The following PI4KA variants were observed in gnomAD, a reference collection of about 807,000 sequenced individuals.
PI4KA encodes the protein phosphatidylinositol 4-kinase alpha.
Under a neutral mutation model 271.4 loss-of-function variants are expected in PI4KA, and 122 were observed. The observed-to-expected ratio is 0.45, with a 90% CI of 0.39 to 0.52. The LOEUF (loss-of-function observed/expected upper bound fraction) is 0.52. Among genes scored for constraint, PI4KA ranks in the 20% least tolerant of loss-of-function variants. The pLI is 0.00. For synonymous variants in PI4KA, 1,041 were observed against 1,078.8 expected (o/e 0.96, Z 0.69); for missense variants, 1,969 against 2,769.1 (o/e 0.71, Z 6.48).
intron 29 of PI4KA, among the ~76,000 whole-genome samples, chr22:20,747,107 A>C (rs1346793401): frequency 2.0e-5 from 3 of 152,216 alleles, no homozygotes; most frequent in African/African-American, 7.2e-5. Flanking sequence ...TAACTCAGAA[A>C]GTATTGCTGT....
chr22:20,843,101 A>AC (rs1925793856), intron 1 of PI4KA, among the ~76,000 whole-genome samples: 1 of 151,762 alleles, frequency 6.6e-6, no homozygotes, highest in South Asian at 2.1e-4. Flanking sequence ...CCGTCTCAAA[A>AC]AAAAAAAAAA....
chr22:20,843,621 T>C (rs1008110263), intron 1 of PI4KA, among the ~76,000 whole-genome samples: 2 of 152,070 alleles, frequency 1.3e-5, no homozygotes, highest in African/African-American at 2.4e-5. Flanking sequence ...TATGAAGAAG[T>C]GTAGGTCTAA....
chr22:20,714,870 C>T (rs1028336300), intron 45 of PI4KA, among the ~76,000 whole-genome samples, 170 bp from the exon 46 acceptor site: 33 of 152,178 alleles, frequency 2.2e-4, no homozygotes, highest in Non-Finnish European at 4.3e-4. Flanking sequence ...ATTCCATGGC[C>T]GCTAAGGGTC....
rs974167870 is a variant in PI4KA at position 20,844,712 on chromosome 22, T to C, written c.157-5981A>G. Among the ~76,000 whole-genome samples, 9 of 152,248 alleles carry C rather than the reference T, an allele frequency of 5.9e-5. 1 individual carries two copies. The South Asian group carries it at 6.2e-4, about 11-fold the overall frequency. On this transcript the variant is annotated intron_variant, in intron 1 of 54. Transcript: ENST00000255882. The stretch of plus-strand genomic sequence containing the variant: ...CTGGTGGGTGCCATTCTCCAAATAA[T>C]GACAGCTAACACATATTGAACATTT...
chr22:20,824,689 C>T lies in PI4KA; in HGVS notation c.368-275G>A, dbSNP rs565936107. Among the ~76,000 whole-genome samples the T allele has an allele frequency of 2.7e-5, 4 of 150,828 alleles. No homozygotes were observed. In the South Asian group the frequency reaches 8.4e-4, roughly 32 times the overall value. The stretch of plus-strand genomic sequence containing the variant: ...AGTGTGAGATAACAAAGCCTCTCAA[C>T]ATGACAGATTCAATTTTTTATTCCC... On this transcript the variant is annotated intron_variant, in intron 3 of 54. Coordinates refer to ENST00000255882, the MANE Select transcript of PI4KA (RefSeq NM_058004.4).
chr22:20,724,843 G>A (rs1231701550), intron 42 of PI4KA, among the ~76,000 whole-genome samples: 1 of 152,154 alleles, frequency 6.6e-6, no homozygotes, highest in Non-Finnish European at 1.5e-5. Flanking sequence ...GAGCCAAGCA[G>A]TCAAGGGAAA....
At chr22:20,773,032 A>G (rs1352110482) in intron 19 of PI4KA, among the ~76,000 whole-genome samples, 2 of 152,038 alleles carry the variant, frequency 1.3e-5, no homozygotes, top group Non-Finnish European at 2.9e-5. Context: ...TTGAGGCTGC[A>G]GTGAGCCAAG....
chr22:20,726,756 C>T (rs941871593), intron 41 of PI4KA, among the ~76,000 whole-genome samples: 1 of 152,214 alleles, frequency 6.6e-6, no homozygotes, highest in Non-Finnish European at 1.5e-5. Context: ...CGGGCGAGGG[C>T]CTCGTGCTCC....
intron 19 of PI4KA, among the ~76,000 whole-genome samples, chr22:20,772,615 G>T (rs1175404833): frequency 6.6e-6 from 1 of 152,088 alleles, no homozygotes; most frequent in Non-Finnish European, 1.5e-5. Context: ...ACCCCCATGG[G>T]CCCCTTGCAC....
intron 32 of PI4KA, among the ~76,000 whole-genome samples, chr22:20,736,096 G>A (rs958233756): frequency 1.3e-5 from 2 of 152,146 alleles, no homozygotes; most frequent in African/African-American, 4.8e-5. Flanking sequence ...ACAGCAGTGC[G>A]AGTGAGCGTG....
At chr22:20,721,511 C>A in intron 42 of PI4KA, 93 bp from the exon 43 acceptor site, 1 of 1,409,622 alleles carries the variant, frequency 7.1e-7, no homozygotes, top group Non-Finnish European at 1.0e-6. Context: ...TTTGGTAGAC[C>A]AGGCAAGGGT....
At chr22:20,824,073 C>T (rs1054580325) in intron 4 of PI4KA, among the ~76,000 whole-genome samples, 1 of 149,884 alleles carries the variant, frequency 6.7e-6, no homozygotes, top group African/African-American at 2.5e-5. Flanking sequence ...TAGTGCTGCT[C>T]ATGTCTCTGC....
At chr22:20,808,418 C>A (rs1217285440) in intron 9 of PI4KA, among the ~76,000 whole-genome samples, 1 of 151,208 alleles carries the variant, frequency 6.6e-6, no homozygotes, top group Non-Finnish European at 1.5e-5. Context: ...ATGGTGACAC[C>A]CTGTCTCTTC....
At chr22:20,741,680 A>C (rs1428291132) in intron 32 of PI4KA, among the ~76,000 whole-genome samples, 8 of 152,176 alleles carry the variant, frequency 5.3e-5, no homozygotes, top group Non-Finnish European at 5.9e-5. Flanking sequence ...TTGACCACTC[A>C]TTTCAACTAA....
intron 19 of PI4KA, among the ~76,000 whole-genome samples, chr22:20,791,786 C>G (rs1934661163): frequency 2.0e-5 from 3 of 151,980 alleles, no homozygotes; most frequent in Admixed American, 1.3e-4. Flanking sequence ...AATAAATCAA[C>G]CAATGGGGGT....
rs564939923 is a variant in PI4KA at position 20,805,930 on chromosome 22, C to A, written c.1169-765G>T. Among the ~76,000 whole-genome samples, 24 of 152,150 alleles carry A rather than the reference C, an allele frequency of 1.6e-4. No individual in the cohort carries two copies. The South Asian group carries it at 5.0e-3, about 32-fold the overall frequency. On this transcript the variant is annotated intron_variant, in intron 10 of 54. Coordinates refer to ENST00000255882, the MANE Select transcript of PI4KA (RefSeq NM_058004.4). ...ATTATCTGGATCTTCAGAGCACTCA[C>A]CCTGAGTTTGAGAGACTTTTCAAAC...
chr22:20,782,695 A>AC (rs1475768259), intron 19 of PI4KA, among the ~76,000 whole-genome samples: 3 of 152,146 alleles, frequency 2.0e-5, no homozygotes, highest in African/African-American at 4.8e-5. Context: ...GGTTGTCACA[A>AC]CCTGGGGGGT....
chr22:20,780,844 C>G (rs919664972), intron 19 of PI4KA, among the ~76,000 whole-genome samples: 1 of 150,340 alleles, frequency 6.7e-6, no homozygotes, highest in Non-Finnish European at 1.5e-5. Flanking sequence ...AGAGCCAAAG[C>G]TGAACCCAGG....
chr22:20,800,919 T>C (rs1935279483), intron 14 of PI4KA, among the ~76,000 whole-genome samples: 1 of 149,352 alleles, frequency 6.7e-6, no homozygotes, highest in Non-Finnish European at 1.5e-5. Context: ...AGACGGAGTT[T>C]TGCTCTTGTT....
Sources: gnomAD v4.1 joint callset for allele counts (sites outside exome capture counted in the v4.1 genomes callset) on GRCh38, gnomAD v4.1.1 for gene constraint, MANE v1.5 for transcripts, NCBI Gene and HGNC (gene_info 2026-07-23, HGNC 2026-07-21) for gene names.